Variants in MMP16 observed in about 807,000 individuals in gnomAD.
MMP16 encodes matrix metallopeptidase 16.
MMP16 carries 12 observed loss-of-function variants against 67.8 expected under a neutral mutation model. The observed-to-expected ratio is 0.18, with a 90% CI of 0.11 to 0.29. The LOEUF is 0.29. Ranked by LOEUF, MMP16 falls within the 10% of genes least tolerant of loss-of-function variation. The pLI is 1.00. For missense variants in MMP16, 475 were observed against 765.7 expected (o/e 0.62, Z 4.48); for synonymous variants, 249 against 255.9 (o/e 0.97, Z 0.26).
intron 6 of MMP16, among the ~76,000 whole-genome samples, chr8:88,100,052 G>C (rs1809113480): frequency 6.6e-6 from 1 of 151,908 alleles, no homozygotes; most frequent in Admixed American, 6.6e-5. Flanking sequence ...TGTTCACTCT[G>C]ATGGTAGTTT....
At position 88,286,721 on chromosome 8, in the gene MMP16, G is replaced by A. The variant is rs975668594; in HGVS notation, c.132+40354C>T. Among the ~76,000 whole-genome samples, 8 of 151,924 alleles carry A rather than the reference G, an allele frequency of 5.3e-5. No homozygotes were observed. The East Asian group carries it at 9.7e-4, about 18-fold the overall frequency. ...CTCCCAAGTAGCTGCTACTACAGGC[G>A]CCCGCCACCATGCCCGGCTAATTTT... On this transcript the variant is annotated intron_variant, in intron 1 of 9. Transcript: ENST00000286614.
intron 1 of MMP16, among the ~76,000 whole-genome samples, chr8:88,288,465 A>G (rs1810868401): frequency 6.6e-6 from 1 of 152,104 alleles, no homozygotes; most frequent in Non-Finnish European, 1.5e-5. Flanking sequence ...GCCCTATTTA[A>G]CCTCATACAA....
chr8:88,202,741 T>C lies in MMP16; in HGVS notation c.133-5435A>G, dbSNP rs542190686. 8.4e-4 allele frequency among the ~76,000 whole-genome samples: 128 copies of C among 152,270 alleles called. 1 individual carries two copies. Among genetic ancestry groups the C allele is most frequent in the Admixed American group, 1.6e-3 (25 of 15,288 alleles). Reference sequence around the variant, plus strand: ...AGCATGTATATGATACCACAACCCCTATATTTCTGAAGTAGACAGAAATAA... The same window carrying C: ...AGCATGTATATGATACCACAACCCCCATATTTCTGAAGTAGACAGAAATAA... On this transcript the variant is annotated intron_variant, in intron 1 of 9. Transcript: ENST00000286614.
At chr8:88,113,024 A>G (rs1809364378) in intron 6 of MMP16, among the ~76,000 whole-genome samples, 1 of 151,810 alleles carries the variant, frequency 6.6e-6, no homozygotes, top group African/African-American at 2.4e-5. Context: ...CAGGGATTTC[A>G]TTTAGGCTGA....
At chr8:88,078,202 C>A (rs944379594) in intron 6 of MMP16, among the ~76,000 whole-genome samples, 1 of 152,074 alleles carries the variant, frequency 6.6e-6, no homozygotes, top group African/African-American at 2.4e-5. Context: ...AGCCTATCTG[C>A]AAAGTCAAGT....
At chr8:88,107,863 CAG>C (rs1809268710) in intron 6 of MMP16, among the ~76,000 whole-genome samples, 1 of 150,960 alleles carries the variant, frequency 6.6e-6, no homozygotes, top group Non-Finnish European at 1.5e-5. Context: ...ACAAGAAATG[CAG>C]AGATAAGCTG....
At chr8:88,162,884 G>C (rs1363379544) in intron 4 of MMP16, among the ~76,000 whole-genome samples, 3 of 152,014 alleles carry the variant, frequency 2.0e-5, no homozygotes, top group Non-Finnish European at 2.9e-5. Flanking sequence ...CATACAGCAT[G>C]TAGAACTGTG....
chr8:88,255,597 A>G (rs779158338), intron 1 of MMP16, among the ~76,000 whole-genome samples: 12 of 152,186 alleles, frequency 7.9e-5, no homozygotes, highest in Non-Finnish European at 1.6e-4. Context: ...GGATTTTCAA[A>G]TCTAAAAGCA....
Position 88,039,027 on chromosome 8 carries a change from A to T in MMP16, c.*2434T>A, listed in dbSNP as rs2118178557. Reference sequence around the variant, plus strand: ...AAAATATTTTCCCCAACCAAATCATAAACATGTAGTTTAACCAAAAGGCAT... The same window carrying T: ...AAAATATTTTCCCCAACCAAATCATTAACATGTAGTTTAACCAAAAGGCAT... On this transcript the variant is annotated 3_prime_UTR_variant, in exon 10 of 10. Transcript: ENST00000286614. The surrounding 1 kb of genome is among the most constrained non-coding windows in gnomAD (Gnocchi z 4.5). 1 of 152,688 alleles carries T rather than the reference A, an allele frequency of 6.5e-6. No homozygotes were observed. Among genetic ancestry groups the T allele is most frequent in the South Asian group, 2.1e-4 (1 of 4,830 alleles). 9.5% of individuals were successfully genotyped at this position (152,688 alleles called of 1,614,324 possible). A position where few individuals can be genotyped will look rare whatever the true frequency, so the allele number is the denominator to read the frequency against.
intron 4 of MMP16, among the ~76,000 whole-genome samples, chr8:88,133,890 T>C (rs1808076082): frequency 6.6e-6 from 1 of 151,766 alleles, no homozygotes; most frequent in African/African-American, 2.4e-5. Context: ...TGCAATATAA[T>C]CTTCAAGTTG....
chr8:88,116,559 T>A lies in MMP16; in HGVS notation c.1031A>T (p.Asp344Val). 6.2e-7 allele frequency: 1 copy of A among 1,613,668 alleles called. No individual in the cohort carries two copies. The highest frequency in any genetic ancestry group is 8.5e-7 in the Non-Finnish European group (1 of 1,179,846). Residue 344 changes from aspartate (D) to valine (V), a missense_variant, in exon 6 of 10, where the codon GAT becomes GTT. This residue lies in a region of MMP16 where 195 missense variants were observed against 300.9 expected (regional missense o/e 0.65). Transcript: ENST00000286614. ...SYPGAKPNIC[D>V]GNFNTLAILR... ...AATAGCTAGAGTGTTAAAGTTCCCA[T>A]CACAGATGTTGGGTTTGGCTCCGGG...
intron 7 of MMP16, among the ~76,000 whole-genome samples, chr8:88,067,032 G>A (rs1190297328): frequency 1.3e-5 from 2 of 152,064 alleles, no homozygotes; most frequent in Non-Finnish European, 2.9e-5. Context: ...ATAAGTTATA[G>A]CATCTAAAAT....
chr8:88,112,419 G>C (rs1809352212), intron 6 of MMP16, among the ~76,000 whole-genome samples: 1 of 151,642 alleles, frequency 6.6e-6, no homozygotes, highest in Admixed American at 6.6e-5. Flanking sequence ...AAGGTGCTTT[G>C]AGAGTATTCA....
intron 5 of MMP16, among the ~76,000 whole-genome samples, chr8:88,117,671 G>C (rs1053857724): frequency 1.3e-4 from 19 of 146,648 alleles, no homozygotes; most frequent in African/African-American, 4.6e-4. Flanking sequence ...GCAAACTAAA[G>C]AGCAGCACAA....
In MMP16 at chr8:88,258,609, G is replaced by A. The variant is rs1810340977; in HGVS notation, c.133-61303C>T. 2.0e-5 allele frequency among the ~76,000 whole-genome samples: 3 copies of A among 152,162 alleles called. No individual in the cohort carries two copies. The South Asian group carries it at 6.2e-4, about 32-fold the overall frequency. ...CCTTTTAAGCAAAAATGTTTTATGTGATAGCCACACTGCCTGATGCACTGT... is the reference window on the plus strand; with the variant it reads ...CCTTTTAAGCAAAAATGTTTTATGTAATAGCCACACTGCCTGATGCACTGT... On this transcript the variant is annotated intron_variant, in intron 1 of 9. Transcript: ENST00000286614.
chr8:88,069,519 T>A (rs1355422372), intron 7 of MMP16: 1 of 525,746 alleles, frequency 1.9e-6, no homozygotes. Flanking sequence ...AGTGTCTCCC[T>A]TCACTGCAAA....
At chr8:88,225,918 G>A (rs1277059316) in intron 1 of MMP16, among the ~76,000 whole-genome samples, 1 of 151,898 alleles carries the variant, frequency 6.6e-6, no homozygotes, top group East Asian at 1.9e-4. Flanking sequence ...GTGTGTGTGT[G>A]TCTGTGTGTG....
At chr8:88,196,386 G>A (rs1809257189) in intron 2 of MMP16, among the ~76,000 whole-genome samples, 1 of 152,056 alleles carries the variant, frequency 6.6e-6, no homozygotes, top group Non-Finnish European at 1.5e-5. Context: ...CTGTGTACCT[G>A]TGGTAACACC....
chr8:88,227,387 A>C (rs2129863514), intron 1 of MMP16, among the ~76,000 whole-genome samples: 1 of 152,256 alleles, frequency 6.6e-6, no homozygotes, highest in African/African-American at 2.4e-5. Context: ...CCACAGAAAT[A>C]GTTCAGATTT....
Sources: allele counts gnomAD v4.1 joint callset (sites outside exome capture counted in the v4.1 genomes callset), GRCh38; gene constraint gnomAD v4.1.1; regional missense constraint gnomAD v4.1.1; non-coding constraint Gnocchi (gnomAD v3.1); transcripts MANE v1.5; gene names NCBI Gene and HGNC (gene_info 2026-07-23, HGNC 2026-07-21).